NDUFA10: variants seen among roughly 807,000 people sequenced by gnomAD.
NDUFA10 encodes NADH dehydrogenase [ubiquinone] 1 alpha subcomplex subunit 10, mitochondrial.
In NDUFA10, 40 loss-of-function variants were observed where a neutral mutation model predicts 47.8. That is an observed-to-expected ratio of 0.84 (90% CI 0.65 to 1.09). NDUFA10 has a LOEUF of 1.09. Among genes scored for constraint, NDUFA10 ranks in the 50% least tolerant of loss-of-function variants. NDUFA10 has a pLI of 0.00. For missense variants in NDUFA10, 413 were observed against 451.1 expected (o/e 0.92, Z 0.76); for synonymous variants, 183 against 172.2 (o/e 1.06, Z -0.49).
intron 4 of NDUFA10, among the ~76,000 whole-genome samples, chr2:239,922,240 G>C (rs1694002121): frequency 6.6e-6 from 1 of 152,066 alleles, no homozygotes; most frequent in Admixed American, 6.6e-5. Flanking sequence ...GTTATCTTTG[G>C]GTGACTTGGA....
intron 9 of NDUFA10, among the ~76,000 whole-genome samples, chr2:239,988,100 CTAAA>C (rs1204871465): frequency 1.3e-5 from 2 of 151,886 alleles, no homozygotes; most frequent in African/African-American, 4.8e-5. Context: ...GATAAATATC[CTAAA>C]TATTCAGAAT....
intron 9 of NDUFA10, chr2:239,976,364 C>T (rs1695520825): frequency 1.3e-5 from 2 of 152,802 alleles, no homozygotes; most frequent in African/African-American, 2.4e-5. Context: ...ACATCATGGC[C>T]CTTGCCGGCC....
At chr2:239,896,743 G>A (rs142417010) in intron 4 of NDUFA10, among the ~76,000 whole-genome samples, 2 of 152,278 alleles carry the variant, frequency 1.3e-5, no homozygotes, top group African/African-American at 2.4e-5. Flanking sequence ...TGGTTACGTG[G>A]GGAAAATGCC....
At chr2:239,909,080 C>T (rs1053461775) in intron 4 of NDUFA10, among the ~76,000 whole-genome samples, 7 of 152,316 alleles carry the variant, frequency 4.6e-5, no homozygotes, top group East Asian at 1.9e-4. Context: ...CTGCCTCCTC[C>T]AGCGCCTCCC....
intron 6 of NDUFA10, 28 bp downstream of exon 6, chr2:240,011,589 C>T: frequency 1.3e-6 from 2 of 1,578,866 alleles, no homozygotes; most frequent in Non-Finnish European, 1.7e-6. Flanking sequence ...AGTTTTAGCC[C>T]TGTAAATCAG....
intron 9 of NDUFA10, among the ~76,000 whole-genome samples, chr2:239,979,485 G>A (rs79700070): frequency 0.012 from 1,756 of 152,204 alleles, 31 homozygotes; most frequent in African/African-American, 0.038. Flanking sequence ...TCCCTCTGCT[G>A]GAATCCTTCA....
intron 2 of NDUFA10, among the ~76,000 whole-genome samples, chr2:240,021,728 A>T (rs187058747): frequency 4.6e-5 from 7 of 152,336 alleles, no homozygotes; most frequent in Admixed American, 4.6e-4. Flanking sequence ...AGAAAGGTAC[A>T]ATGGACACTC....
chr2:240,015,571 G>A (rs1224977080), intron 4 of NDUFA10, among the ~76,000 whole-genome samples: 2 of 152,240 alleles, frequency 1.3e-5, no homozygotes, highest in Admixed American at 6.5e-5. Flanking sequence ...ATTGAAAGCA[G>A]CTAAGGCTGA....
rs1697653922 is a variant in NDUFA10, at chr2:240,022,235, T to C, written c.181A>G (p.Thr61Ala). Residue 61 changes from threonine to alanine, a missense_variant, in exon 2 of 10, where the codon ACT becomes GCT. Coordinates refer to ENST00000252711, the MANE Select transcript of NDUFA10 (RefSeq NM_004544.4). Reference protein sequence around the residue: ...KRLTERSRVITVDGNICTGKG... With the variant: ...KRLTERSRVIAVDGNICTGKG... ...CCAGTACATATATTGCCATCTACAG[T>C]TATCACTCTGCTGCGTTCTGTCAGT... 3 of 1,614,176 alleles carry C rather than the reference T, an allele frequency of 1.9e-6. No individual in the cohort carries two copies.
intron 9 of NDUFA10, among the ~76,000 whole-genome samples, chr2:239,976,068 A>G (rs1695504460): frequency 6.6e-6 from 1 of 152,212 alleles, no homozygotes; most frequent in Non-Finnish European, 1.5e-5. Flanking sequence ...CTCAGTATCT[A>G]TGAATCTTAA....
chr2:239,910,140 T>A (rs1172103950), intron 4 of NDUFA10, among the ~76,000 whole-genome samples: 1 of 152,184 alleles, frequency 6.6e-6, no homozygotes, highest in Non-Finnish European at 1.5e-5. Context: ...GTTCAACCAT[T>A]GTGGAAGACA....
Position 239,921,571 on chromosome 2 carries a change from C to T in NDUFA10, c.295-26257G>A, listed in dbSNP as rs140027961. ...CCATTTTACAGAGCGCTGATTGATC[C>T]ATTTTACAAACCTCTTGCTAGCTAC... On this transcript the variant is annotated intron_variant, in intron 4 of 5. Coordinates refer to the NDUFA10 transcript ENST00000419408. Among the ~76,000 whole-genome samples the T allele has an allele frequency of 3.9e-5, 6 of 152,324 alleles. No homozygotes were observed. In the East Asian group the frequency reaches 1.2e-3, roughly 29 times the overall value.
Position 239,961,060 on chromosome 2 carries a change from G to A in NDUFA10, c.*58C>T. 1 of 1,612,542 alleles carries A rather than the reference G, an allele frequency of 6.2e-7. No individual in the cohort carries two copies. The highest frequency in any genetic ancestry group is 8.5e-7 in the Non-Finnish European group (1 of 1,179,414). Reference sequence around the variant, plus strand: ...TTAAAGCTATATGGCGTCCAGGAGAGTGCGGCTGATGCAGCTTGGCCATCA... The same window carrying A: ...TTAAAGCTATATGGCGTCCAGGAGAATGCGGCTGATGCAGCTTGGCCATCA... On this transcript the variant is annotated 3_prime_UTR_variant, in exon 10 of 10. Coordinates refer to ENST00000252711, the MANE Select transcript of NDUFA10 (RefSeq NM_004544.4).
chr2:240,003,034 G>C (rs1696788902), intron 8 of NDUFA10, among the ~76,000 whole-genome samples: 1 of 152,132 alleles, frequency 6.6e-6, no homozygotes, highest in African/African-American at 2.4e-5. Context: ...ATTTTTTGTA[G>C]AGATGGGGTC....
rs1697370441 is a variant in NDUFA10 at position 240,016,879 on chromosome 2, A to G, written c.547+1674T>C. On this transcript the variant is annotated intron_variant, in intron 4 of 9. Coordinates refer to ENST00000252711, the MANE Select transcript of NDUFA10 (RefSeq NM_004544.4). The surrounding 1 kb of genome is among the most constrained non-coding windows in gnomAD (Gnocchi z 4.4). ...TGGGAACCTCACACTCAGGAATCCA[A>G]CGCCCAAACATGAAGCCACATCGGT... Among the ~76,000 whole-genome samples, 1 of 152,066 alleles carries G rather than the reference A, an allele frequency of 6.6e-6. No individual in the cohort carries two copies. Among genetic ancestry groups the G allele is most frequent in the African/African-American group, 2.4e-5 (1 of 41,400 alleles).
intron 9 of NDUFA10, among the ~76,000 whole-genome samples, chr2:239,983,092 G>A (rs184865329): frequency 2.8e-4 from 42 of 152,304 alleles, no homozygotes; most frequent in African/African-American, 8.7e-4. Flanking sequence ...GGGCTCTACC[G>A]AAGTCACTCA....
Position 239,957,962 on chromosome 2 carries a change from G to C in NDUFA10, c.*3156C>G, listed in dbSNP as rs1202970892. 1 of 152,250 alleles carries C rather than the reference G, an allele frequency of 6.6e-6. No individual in the cohort carries two copies. Among genetic ancestry groups the C allele is most frequent in the Non-Finnish European group, 1.5e-5 (1 of 68,048 alleles). The allele number at this position is 152,250 out of a possible 1,614,324, so 9.4% of individuals were successfully genotyped here. ...GCTTTGACAATTCGAGAGAGTATTA[G>C]AAAACACTAGCGGCGTGAGGTGACT... On this transcript the variant is annotated 3_prime_UTR_variant, in exon 10 of 10. Transcript: ENST00000252711.
chr2:239,922,915 G>A (rs1694012638), intron 4 of NDUFA10, among the ~76,000 whole-genome samples: 1 of 152,184 alleles, frequency 6.6e-6, no homozygotes, highest in Non-Finnish European at 1.5e-5. Flanking sequence ...GCAAACCAAG[G>A]AGCAACTGGC....
At chr2:239,898,125 C>A (rs1693433765) in intron 4 of NDUFA10, among the ~76,000 whole-genome samples, 1 of 152,174 alleles carries the variant, frequency 6.6e-6, no homozygotes, top group South Asian at 2.1e-4. Flanking sequence ...TCAGAACCAC[C>A]CAGGGCCCAG....
Sources: allele counts gnomAD v4.1 joint callset (sites outside exome capture counted in the v4.1 genomes callset), GRCh38; gene constraint gnomAD v4.1.1; non-coding constraint Gnocchi (gnomAD v3.1); transcripts MANE v1.5; gene names NCBI Gene and HGNC (gene_info 2026-07-23, HGNC 2026-07-21).